Variants in ADGRF3 observed in about 807,000 individuals in gnomAD.
The protein encoded by ADGRF3 is G protein-coupled receptor 113.
Under a neutral mutation model 93.2 loss-of-function variants are expected in ADGRF3, and 85 were observed. The ratio of observed to expected loss-of-function variants is 0.91; its 90% CI spans 0.77 to 1.09. ADGRF3 has a LOEUF of 1.09. Among genes scored for constraint, ADGRF3 ranks in the 50% least tolerant of loss-of-function variants. The pLI is 0.00. For synonymous variants in ADGRF3, 534 were observed against 532.5 expected (o/e 1.00, Z -0.04); for missense variants, 1,125 against 1,246.2 (o/e 0.90, Z 1.46).
intron 1 of ADGRF3, 134 bp downstream of exon 1, chr2:26,345,987 C>T (rs1305621233): frequency 5.8e-6 from 5 of 858,272 alleles, no homozygotes; most frequent in African/African-American, 5.1e-5. Flanking sequence ...TGTCGGGGGA[C>T]GGGCCGCTCG....
In ADGRF3 at chr2:26,309,521, C is replaced by T. The variant is rs201386869; in HGVS notation, c.2993+5G>A. The stretch of plus-strand genomic sequence containing the variant: ...ACGCTGCCCCTGAGAAAGCCTAGTT[C>T]TCACCTGGCAGTGTCGCTTCCTCCT... On this transcript the variant is annotated splice_donor_5th_base_variant and intron_variant, in intron 13 of 13. Coordinates refer to ENST00000651242, the MANE Select transcript of ADGRF3 (RefSeq NM_001321971.2). 1.2e-6 allele frequency: 2 copies of T among 1,611,334 alleles called. No homozygotes were observed. The highest frequency in any genetic ancestry group is 1.7e-6 in the Non-Finnish European group (2 of 1,179,054).
At chr2:26,316,218 C>G in intron 4 of ADGRF3, 57 bp downstream of exon 4, 1 of 1,503,380 alleles carries the variant, frequency 6.7e-7, no homozygotes, top group South Asian at 1.3e-5. Flanking sequence ...GAGAAAACCA[C>G]TGAGAACATT....
intron 1 of ADGRF3, among the ~76,000 whole-genome samples, chr2:26,331,524 G>A (rs1362905333): frequency 1.3e-5 from 2 of 152,152 alleles, no homozygotes; most frequent in African/African-American, 4.8e-5. Flanking sequence ...ACTCCAGCCT[G>A]GGTGAAAGAG....
chr2:26,346,196 A>C lies in ADGRF3; in HGVS notation c.39T>G (p.Thr13=). Reference sequence around the variant, plus strand: ...TGTGTGTCACAGCCTTGTAGCCGGGAGTCGCTGCCGAGTGGGCGCTCAGTT... The same window carrying C: ...TGTGTGTCACAGCCTTGTAGCCGGGCGTCGCTGCCGAGTGGGCGCTCAGTT... ...TRKLSAHSAA[T]PGYKAVTHKH... is the part of the protein sequence containing the mutation. Residue 13 remains threonine (T), a synonymous_variant, in exon 1 of 14, where the codon ACT becomes ACG. Transcript: ENST00000651242. 6.2e-7 allele frequency: 1 copy of C among 1,613,352 alleles called. No individual in the cohort carries two copies. The highest frequency in any genetic ancestry group is 8.5e-7 in the Non-Finnish European group (1 of 1,179,576).
In ADGRF3 at chr2:26,346,421, G is replaced by C; in HGVS notation, c.-187C>G. On this transcript the variant is annotated 5_prime_UTR_variant, in exon 1 of 14. Transcript: ENST00000651242. ...CGGGCTGGCGGGCGTTCCTCCGGAGGTCCTGCGGGTCCTGGGGATTGGGGG... is the reference window on the plus strand; with the variant it reads ...CGGGCTGGCGGGCGTTCCTCCGGAGCTCCTGCGGGTCCTGGGGATTGGGGG... 1 of 1,115,590 alleles carries C rather than the reference G, an allele frequency of 9.0e-7. No individual in the cohort carries two copies. Among genetic ancestry groups the C allele is most frequent in the Non-Finnish European group, 1.2e-6 (1 of 822,658 alleles). 69.1% of individuals were successfully genotyped at this position (1,115,590 alleles called of 1,614,324 possible).
chr2:26,311,809 T>C lies in ADGRF3; in HGVS notation c.1715A>G (p.His572Arg). ...RPPLQAQIPR[H>R]SLAPLVRNGT... ...ATTACGGACCAATGGGGCCAGTGAGTGCCTGGGAATCTGAGCCTGCAGTGG... is the reference window on the plus strand; with the variant it reads ...ATTACGGACCAATGGGGCCAGTGAGCGCCTGGGAATCTGAGCCTGCAGTGG... The change falls in exon 10 of 14, where the codon CAC becomes CGC. Residue 572 changes from histidine (H) to arginine (R), a missense_variant. Physicochemically the swap from His to Arg is conservative, Grantham distance 29. Transcript: ENST00000651242. 6.2e-7 allele frequency: 1 copy of C among 1,613,766 alleles called. No homozygotes were observed. The highest frequency in any genetic ancestry group is 8.5e-7 in the Non-Finnish European group (1 of 1,179,798).
rs201735738 is a variant in ADGRF3 at position 26,313,407 on chromosome 2, C to T, written c.1239G>A (p.Ala413=). 60 of 1,603,772 alleles carry T rather than the reference C, an allele frequency of 3.7e-5. No individual in the cohort carries two copies. Among genetic ancestry groups the T allele is most frequent in the Admixed American group, 6.8e-5 (4 of 58,402 alleles). The change falls in exon 8 of 14, where the codon GCG becomes GCA. Residue 413 remains alanine, a synonymous_variant. Coordinates refer to ENST00000651242, the MANE Select transcript of ADGRF3 (RefSeq NM_001321971.2). ...WGPVHSSCTD[A]RLLALFTRTK... The stretch of plus-strand genomic sequence containing the variant: ...TTCTAGTGAACAAGGCCAGGAGCCT[C>T]GCATCTGTGCAGCTGCTGTGGACCG...
chr2:26,335,072 T>G (rs1356247139), intron 1 of ADGRF3, among the ~76,000 whole-genome samples: 1 of 152,222 alleles, frequency 6.6e-6, no homozygotes. Flanking sequence ...AAATTCACCC[T>G]TTTAAAGAGT....
chr2:26,329,426 T>G (rs2147909350), intron 1 of ADGRF3, among the ~76,000 whole-genome samples: 1 of 152,324 alleles, frequency 6.6e-6, no homozygotes, highest in East Asian at 1.9e-4. Flanking sequence ...AGCCACTGTG[T>G]CCAGTGAAAC....
At chr2:26,316,775 G>T in intron 3 of ADGRF3, 137 bp downstream of exon 3, 1 of 942,878 alleles carries the variant, frequency 1.1e-6, no homozygotes, top group Non-Finnish European at 1.6e-6. Context: ...GGAAGGAGCT[G>T]GGCCACGGAG....
intron 1 of ADGRF3, among the ~76,000 whole-genome samples, chr2:26,336,957 G>C (rs12471849): frequency 0.32 from 48,519 of 151,932 alleles, 8,009 homozygotes; most frequent in Middle Eastern, 0.43. Flanking sequence ...TTGGAAGTAA[G>C]AGATAGTTTA....
intron 1 of ADGRF3, chr2:26,317,895 T>G: frequency 1.2e-6 from 1 of 827,118 alleles, no homozygotes; most frequent in South Asian, 1.5e-5. Context: ...AGCTGGACAT[T>G]GCTGGCTGGG....
chr2:26,327,212 G>T (rs1675481551), intron 1 of ADGRF3, among the ~76,000 whole-genome samples: 3 of 152,218 alleles, frequency 2.0e-5, no homozygotes, highest in Admixed American at 1.3e-4. Context: ...CCTACAACTT[G>T]TAAACTCAGC....
rs766095619 is a variant in ADGRF3, at chr2:26,316,899, A to C, written c.325+13T>G. On this transcript the variant is annotated intron_variant, in intron 3 of 13. Transcript: ENST00000651242. ...TTCATTCACTCTCAGCCCCCTTCCC[A>C]CGCAAGTGGTACCTGTTGTGAGTCT... 1.3e-6 allele frequency: 2 copies of C among 1,591,076 alleles called. No homozygotes were observed. Among genetic ancestry groups the C allele is most frequent in the Non-Finnish European group, 8.5e-7 (1 of 1,172,062 alleles).
Position 26,315,746 on chromosome 2 carries a change from G to C in ADGRF3, c.500-6C>G. 6.4e-7 allele frequency: 1 copy of C among 1,551,048 alleles called. No homozygotes were observed. The highest frequency in any genetic ancestry group is 2.0e-5 in the Admixed American group (1 of 51,000). Reference sequence around the variant, plus strand: ...CAGGTTGAGGATCCCGGGGACTGCAGGGAGGCAGGTGACAGGGGACCCTGG... The same window carrying C: ...CAGGTTGAGGATCCCGGGGACTGCACGGAGGCAGGTGACAGGGGACCCTGG... On this transcript the variant is annotated splice_region_variant and splice_polypyrimidine_tract_variant and intron_variant, in intron 4 of 13. Transcript: ENST00000651242.
chr2:26,321,037 T>C (rs1490754569), intron 1 of ADGRF3, among the ~76,000 whole-genome samples: 2 of 152,300 alleles, frequency 1.3e-5, no homozygotes, highest in East Asian at 1.9e-4. Flanking sequence ...TGCTGTTTCA[T>C]ATATAGTTTT....
At chr2:26,339,653 GT>G (rs1180744325) in intron 1 of ADGRF3, among the ~76,000 whole-genome samples, 1 of 152,074 alleles carries the variant, frequency 6.6e-6, no homozygotes, top group Non-Finnish European at 1.5e-5. Flanking sequence ...TGGTCCCTCT[GT>G]TTCTCATGGT....
chr2:26,333,371 C>T (rs1433953826), intron 1 of ADGRF3, among the ~76,000 whole-genome samples: 5 of 3,222 alleles, frequency 1.6e-3, no homozygotes, highest in Non-Finnish European at 4.7e-3. Flanking sequence ...ATTGATCACA[C>T]AATACTTAGG....
At chr2:26,316,490 A>T in intron 3 of ADGRF3, 42 bp from the exon 4 acceptor site, 1 of 1,538,680 alleles carries the variant, frequency 6.5e-7, no homozygotes, top group East Asian at 2.4e-5. Flanking sequence ...GGCTGTCTGA[A>T]GAAGCTAGGT....
Sources: gnomAD v4.1 joint callset for allele counts (sites outside exome capture counted in the v4.1 genomes callset) on GRCh38, gnomAD v4.1.1 for gene constraint, MANE v1.5 for transcripts, NCBI Gene and HGNC (gene_info 2026-07-23, HGNC 2026-07-21) for gene names.